The following KCNIP4 variants were observed in gnomAD, a reference collection of about 807,000 sequenced individuals.
KCNIP4 encodes potassium voltage-gated channel interacting protein 4.
Under a neutral mutation model 34.0 loss-of-function variants are expected in KCNIP4, and 12 were observed. The ratio of observed to expected loss-of-function variants is 0.35; its 90% confidence interval spans 0.23 to 0.57. KCNIP4 has a LOEUF of 0.57. KCNIP4 is among the 20% of genes least tolerant of loss of function. The pLI, the probability that KCNIP4 is intolerant of heterozygous loss-of-function variation, is 0.83. For synonymous variants in KCNIP4, 124 were observed against 102.2 expected, an observed-to-expected ratio of 1.21 and a Z score of -1.29; for missense variants, 238 against 311.7, an observed-to-expected ratio of 0.76 and a Z score of 1.78.
chr4:21,091,429 CA>C (rs1460940684), intron 1 of KCNIP4, among the ~76,000 whole-genome samples: 2 of 152,192 alleles, frequency 1.3e-5, no homozygotes, highest in Non-Finnish European at 2.9e-5. Context: ...AAGGTAATTT[CA>C]TGGAGATTTC....
intron 1 of KCNIP4, among the ~76,000 whole-genome samples, chr4:21,400,578 C>CT (rs1491290545): frequency 5.1e-5 from 4 of 78,974 alleles, no homozygotes; most frequent in African/African-American, 1.5e-4. Flanking sequence ...CTCTTCTCTT[C>CT]GTTCTTTCTT....
chr4:20,752,675 G>T (rs1753860323), intron 4 of KCNIP4: 1 of 152,306 alleles, frequency 6.6e-6, no homozygotes, highest in African/African-American at 2.4e-5. Context: ...ATGGAGTTTG[G>T]ATTTCTTCTG....
intron 5 of KCNIP4, among the ~76,000 whole-genome samples, chr4:20,740,878 C>T (rs1055553860): frequency 6.6e-6 from 1 of 152,020 alleles, no homozygotes; most frequent in Admixed American, 6.6e-5. Flanking sequence ...GGAGGAAGAT[C>T]TACCAAGCAA....
At chr4:20,747,501 G>C (rs1752626445) in intron 5 of KCNIP4, among the ~76,000 whole-genome samples, 1 of 152,100 alleles carries the variant, frequency 6.6e-6, no homozygotes, top group Admixed American at 6.6e-5. Flanking sequence ...GCTGCCATTA[G>C]CAAAAGAAAC....
chr4:21,662,283 T>C (rs1748510991), intron 1 of KCNIP4, among the ~76,000 whole-genome samples: 1 of 152,218 alleles, frequency 6.6e-6, no homozygotes, highest in East Asian at 1.9e-4. Context: ...AAAAAGTACA[T>C]CTTCTCTTCA....
At chr4:21,795,939 C>T (rs1178182097) in intron 1 of KCNIP4, among the ~76,000 whole-genome samples, 2 of 151,890 alleles carry the variant, frequency 1.3e-5, no homozygotes, top group African/African-American at 2.4e-5. Flanking sequence ...GTTGGTGGTG[C>T]GTGCCTGTAA....
chr4:20,838,244 C>T (rs1245757919), intron 3 of KCNIP4, among the ~76,000 whole-genome samples: 1 of 152,126 alleles, frequency 6.6e-6, no homozygotes, highest in East Asian at 1.9e-4. Flanking sequence ...AAGACAGAGT[C>T]TTAGTACTAT....
intron 1 of KCNIP4, among the ~76,000 whole-genome samples, chr4:21,191,953 T>C (rs1392425317): frequency 6.6e-6 from 1 of 152,224 alleles, no homozygotes; most frequent in Non-Finnish European, 1.5e-5. Context: ...TCTGTCTTTA[T>C]GCTTCCAGTA....
rs1276470746 is a variant in KCNIP4, at chr4:21,291,746, C to T, written c.62-409037G>A. On this transcript the variant is annotated intron_variant, in intron 1 of 8. Transcript: ENST00000382152. Reference sequence around the variant, plus strand: ...GTGGGCGCCTGTAGTCCCAGCTACTCGGGAGGCTGAGGCAGGAGAATGGCG... The same window carrying T: ...GTGGGCGCCTGTAGTCCCAGCTACTTGGGAGGCTGAGGCAGGAGAATGGCG... Among the ~76,000 whole-genome samples, 10 of 149,026 alleles carry T rather than the reference C, an allele frequency of 6.7e-5. No individual in the cohort carries two copies. The East Asian group carries it at 1.4e-3, about 21-fold the overall frequency.
chr4:21,131,294 G>T (rs1560749993), intron 1 of KCNIP4, among the ~76,000 whole-genome samples: 1 of 152,076 alleles, frequency 6.6e-6, no homozygotes. Context: ...GGAGCCAATC[G>T]CAAAAAAGTA....
intron 1 of KCNIP4, among the ~76,000 whole-genome samples, chr4:21,248,037 C>A (rs1182885949): frequency 1.7e-5 from 2 of 120,198 alleles, no homozygotes; most frequent in South Asian, 5.7e-4. Context: ...TATGTGTACA[C>A]CACAGGTGGA....
At chr4:20,730,456 G>A (rs957508067) in intron 8 of KCNIP4, among the ~76,000 whole-genome samples, 1 of 151,862 alleles carries the variant, frequency 6.6e-6, no homozygotes, top group Non-Finnish European at 1.5e-5. Flanking sequence ...GTGTGTCAAA[G>A]CAAATGAGAA....
intron 1 of KCNIP4, among the ~76,000 whole-genome samples, chr4:21,525,888 A>C (rs927707057): frequency 2.6e-5 from 4 of 152,208 alleles, no homozygotes; most frequent in Non-Finnish European, 4.4e-5. Context: ...ATCAGGTAAG[A>C]GTTTATCTTG....
intron 3 of KCNIP4, among the ~76,000 whole-genome samples, chr4:20,823,677 T>G (rs976536295): frequency 3.3e-5 from 5 of 152,188 alleles, no homozygotes; most frequent in African/African-American, 1.2e-4. Context: ...AACTTGATCT[T>G]GGATTTCTCA....
intron 1 of KCNIP4, among the ~76,000 whole-genome samples, chr4:21,385,627 T>C (rs1721959815): frequency 6.6e-6 from 1 of 152,128 alleles, no homozygotes; most frequent in Non-Finnish European, 1.5e-5. Flanking sequence ...ATTTAAAACA[T>C]CTAGATAGGA....
At chr4:21,311,763 C>A (rs965809234) in intron 1 of KCNIP4, among the ~76,000 whole-genome samples, 4 of 152,090 alleles carry the variant, frequency 2.6e-5, no homozygotes, top group African/African-American at 9.7e-5. Flanking sequence ...TCTTTGTCAC[C>A]TTCCATTCTG....
At chr4:21,337,044 A>G (rs917232010) in intron 1 of KCNIP4, among the ~76,000 whole-genome samples, 1 of 151,810 alleles carries the variant, frequency 6.6e-6, no homozygotes, top group Non-Finnish European at 1.5e-5. Flanking sequence ...AGGAGAGGAA[A>G]GAGCATGGCA....
At chr4:21,869,332 C>T (rs1725622050) in intron 1 of KCNIP4, among the ~76,000 whole-genome samples, 1 of 152,150 alleles carries the variant, frequency 6.6e-6, no homozygotes, top group African/African-American at 2.4e-5. Flanking sequence ...AGAGCACATC[C>T]TCTACCCAGT....
intron 1 of KCNIP4, among the ~76,000 whole-genome samples, chr4:21,193,780 C>A (rs190580951): frequency 6.6e-6 from 1 of 152,100 alleles, no homozygotes; most frequent in Admixed American, 6.5e-5. Flanking sequence ...ACCATGTTAG[C>A]CAGGATGGTC....
Sources: gnomAD v4.1 joint callset for allele counts (sites outside exome capture counted in the v4.1 genomes callset) on GRCh38, gnomAD v4.1.1 for gene constraint, MANE v1.5 for transcripts, NCBI Gene and HGNC (gene_info 2026-07-23, HGNC 2026-07-21) for gene names.